Variants in LUZP2 observed in about 807,000 individuals in gnomAD.
LUZP2 encodes the protein leucine zipper protein 2.
A neutral mutation model predicts 51.6 loss-of-function variants in LUZP2; 52 were observed. The observed-to-expected ratio is 1.01, with a 90% CI of 0.81 to 1.27. LUZP2 has a LOEUF of 1.27. LUZP2 is among the 50% of genes most tolerant of loss of function. The pLI, the probability that LUZP2 is intolerant of heterozygous loss-of-function variation, is 0.00. For synonymous variants in LUZP2, 154 were observed against 137.3 expected, an observed-to-expected ratio of 1.12 and a Z score of -0.85; for missense variants, 436 against 395.4, an observed-to-expected ratio of 1.10 and a Z score of -0.87.
intron 1 of LUZP2, among the ~76,000 whole-genome samples, chr11:24,713,241 A>T (rs2133935257): frequency 6.6e-6 from 1 of 152,358 alleles, no homozygotes; most frequent in South Asian, 2.1e-4. Context: ...TCTAAGTCAC[A>T]GAAATTTTTA....
intron 4 of LUZP2, among the ~76,000 whole-genome samples, chr11:24,750,159 A>T (rs1218517649): frequency 1.3e-5 from 2 of 152,198 alleles, no homozygotes; most frequent in Non-Finnish European, 2.9e-5. Flanking sequence ...CAGAACTAGA[A>T]AATAGATTGT....
chr11:24,515,583 T>A (rs1850438654), intron 1 of LUZP2, among the ~76,000 whole-genome samples: 1 of 152,112 alleles, frequency 6.6e-6, no homozygotes, highest in Non-Finnish European at 1.5e-5. Flanking sequence ...TGGGAATAGC[T>A]GTGTAAGGTG....
intron 10 of LUZP2, among the ~76,000 whole-genome samples, chr11:25,074,519 C>T (rs1200150876): frequency 3.3e-5 from 5 of 151,972 alleles, no homozygotes; most frequent in Admixed American, 2.0e-4. Context: ...AGGCTTATCT[C>T]GAATAGTTGG....
At chr11:25,078,522 C>T (rs1859383239) in intron 11 of LUZP2, 32 bp from the exon 12 acceptor site, 5 of 1,533,620 alleles carry the variant, frequency 3.3e-6, no homozygotes, top group Non-Finnish European at 4.5e-6. Context: ...TATTTTGATT[C>T]TTCGAATTGT....
At chr11:24,526,343 A>T (rs77098393) in intron 1 of LUZP2, among the ~76,000 whole-genome samples, 1 of 151,208 alleles carries the variant, frequency 6.6e-6, no homozygotes, top group African/African-American at 2.4e-5. Context: ...AATTCATTCA[A>T]ATTTTATTCA....
At chr11:24,763,386 G>C (rs1384971157) in intron 5 of LUZP2, 78 bp downstream of exon 5, 3 of 582,516 alleles carry the variant, frequency 5.2e-6, no homozygotes, top group Non-Finnish European at 2.8e-6. Context: ...GTTGCCACTA[G>C]TTTGGAGTAT....
At chr11:24,902,407 A>G (rs1290530563) in intron 5 of LUZP2, among the ~76,000 whole-genome samples, 2 of 152,176 alleles carry the variant, frequency 1.3e-5, no homozygotes, top group Non-Finnish European at 2.9e-5. Context: ...AGAAATCCGG[A>G]GAAAATAAAT....
At chr11:24,656,038 C>G (rs1030449425) in intron 1 of LUZP2, among the ~76,000 whole-genome samples, 1 of 152,068 alleles carries the variant, frequency 6.6e-6, no homozygotes, top group Non-Finnish European at 1.5e-5. Flanking sequence ...ACTTCAAAGT[C>G]GTTATTCATT....
intron 10 of LUZP2, among the ~76,000 whole-genome samples, chr11:25,075,182 G>A (rs1485869076): frequency 3.9e-5 from 6 of 151,984 alleles, no homozygotes; most frequent in African/African-American, 7.2e-5. Context: ...TTCCTTAGGC[G>A]GTGTAGAAGA....
chr11:24,951,497 T>G (rs1855078783), intron 7 of LUZP2, among the ~76,000 whole-genome samples: 1 of 151,612 alleles, frequency 6.6e-6, no homozygotes, highest in South Asian at 2.1e-4. Context: ...TATAAGAATT[T>G]AATTAATTAT....
At chr11:24,660,605 A>T (rs1345975729) in intron 1 of LUZP2, among the ~76,000 whole-genome samples, 1 of 152,178 alleles carries the variant, frequency 6.6e-6, no homozygotes, top group Non-Finnish European at 1.5e-5. Flanking sequence ...ACCCCTGATC[A>T]TAAATGTTCT....
intron 5 of LUZP2, among the ~76,000 whole-genome samples, chr11:24,875,608 A>G (rs1315525734): frequency 2.0e-5 from 3 of 149,092 alleles, no homozygotes; most frequent in South Asian, 2.2e-4. Context: ...AGTCCTTTGG[A>G]TATATACCCA....
intron 7 of LUZP2, among the ~76,000 whole-genome samples, chr11:24,938,550 A>T (rs1006892514): frequency 2.0e-5 from 3 of 148,230 alleles, no homozygotes; most frequent in African/African-American, 7.5e-5. Context: ...AATCTACTAA[A>T]ATAATATTGA....
At chr11:24,796,805 C>T (rs1849561381) in intron 5 of LUZP2, among the ~76,000 whole-genome samples, 1 of 152,094 alleles carries the variant, frequency 6.6e-6, no homozygotes, top group Admixed American at 6.6e-5. Context: ...AAGAACAAAT[C>T]TAGCAAAGCT....
chr11:24,601,872 G>GTA (rs1387958415), intron 1 of LUZP2, among the ~76,000 whole-genome samples: 1 of 67,992 alleles, frequency 1.5e-5, no homozygotes, highest in African/African-American at 5.1e-5. Context: ...ATGTGTATAT[G>GTA]TATACATGTA....
At chr11:24,949,882 TTTC>T (rs918139794) in intron 7 of LUZP2, among the ~76,000 whole-genome samples, 64 of 151,724 alleles carry the variant, frequency 4.2e-4, no homozygotes, top group African/African-American at 1.5e-3. Context: ...GAAATCAGCT[TTTC>T]TTCTTTCTTG....
rs1292185660 is a variant in LUZP2, at chr11:24,922,831, TTTTTTC to T, written c.522+8299_522+8304del. On this transcript the variant is annotated intron_variant, in intron 7 of 11. Transcript: ENST00000336930. ...CCAAGTGGCACAGTTATATCTTTTT[TTTTTTC>T]TTTTTTTTTTTTTTTTTTTTTTTTT... 1.8e-3 allele frequency among the ~76,000 whole-genome samples: 78 copies of T among 44,530 alleles called. 14 individuals carry two copies. The highest frequency in any genetic ancestry group is 0.016 in the South Asian group (28 of 1,772). The allele number at this position is 44,530 out of a possible 152,430, so 29.2% of individuals were successfully genotyped here. A position where few individuals can be genotyped will look rare whatever the true frequency, so the allele number is the denominator to read the frequency against.
At chr11:24,683,035 C>T (rs1252183029) in intron 1 of LUZP2, among the ~76,000 whole-genome samples, 1 of 152,074 alleles carries the variant, frequency 6.6e-6, no homozygotes, top group Non-Finnish European at 1.5e-5. Context: ...CAAATATGTG[C>T]TCTCATTGAA....
intron 4 of LUZP2, among the ~76,000 whole-genome samples, chr11:24,751,708 T>TAA (rs200341886): frequency 3.1e-4 from 40 of 130,356 alleles, no homozygotes; most frequent in African/African-American, 5.3e-4. Flanking sequence ...AATTGAAAAT[T>TAA]AAAAAAAAAA....
Sources: gnomAD v4.1 joint callset for allele counts (sites outside exome capture counted in the v4.1 genomes callset) on GRCh38, gnomAD v4.1.1 for gene constraint, MANE v1.5 for transcripts, NCBI Gene and HGNC (gene_info 2026-07-23, HGNC 2026-07-21) for gene names.